The following IKZF2 variants were observed in gnomAD, a reference collection of about 807,000 sequenced individuals.
IKZF2 encodes zinc finger protein Helios.
IKZF2 carries 15 observed loss-of-function variants against 49.2 expected under a neutral mutation model. The ratio of observed to expected loss-of-function variants is 0.30; its 90% confidence interval spans 0.20 to 0.47. The LOEUF is 0.47. Among genes scored for constraint, IKZF2 ranks in the 20% least tolerant of loss-of-function variants. IKZF2 has a pLI of 1.00. For synonymous variants in IKZF2, 227 were observed against 221.4 expected (o/e 1.03, Z -0.23); for missense variants, 567 against 664.6 (o/e 0.85, Z 1.61).
At chr2:213,014,557 G>C (rs891824197) in intron 7 of IKZF2, 7 of 151,970 alleles carry the variant, frequency 4.6e-5, no homozygotes. Context: ...TTTAAAAAGA[G>C]CTCTTCAGCA....
intron 8 of IKZF2, among the ~76,000 whole-genome samples, chr2:213,012,649 T>C (rs915568716): frequency 2.9e-4 from 44 of 152,004 alleles, no homozygotes; most frequent in African/African-American, 1.0e-3. Flanking sequence ...TTCAATGAGT[T>C]CTCAATAAAT....
intron 4 of IKZF2, among the ~76,000 whole-genome samples, chr2:213,064,403 T>C (rs1701980712): frequency 6.6e-6 from 1 of 151,940 alleles, no homozygotes; most frequent in African/African-American, 2.4e-5. Context: ...CCAAAAAGTT[T>C]CCTCCCTACT....
In IKZF2 at chr2:213,109,053, T is replaced by C. The variant is rs1357703884; in HGVS notation, c.139+38655A>G. ...CCATAATCATTCTTAAAGCACATGG[T>C]TTTTAACAGCTCCATTTTATTCTAT... is the stretch of plus-strand genomic sequence containing the variant. On this transcript the variant is annotated intron_variant, in intron 4 of 8. Transcript: ENST00000434687. Among the ~76,000 whole-genome samples the C allele has an allele frequency of 3.9e-5, 6 of 152,100 alleles. No homozygotes were observed. The East Asian group carries it at 1.2e-3, about 29-fold the overall frequency.
Position 213,007,321 on chromosome 2 carries a change from T to C in IKZF2, c.*39A>G, listed in dbSNP as rs1454094699. On this transcript the variant is annotated 3_prime_UTR_variant, in exon 9 of 9. Coordinates refer to ENST00000434687, the MANE Select transcript of IKZF2 (RefSeq NM_001387220.1). ...AAGTGCAGTATTTCTTCATGTGCAGTTCTTTACTTCATAGGGGTCCCCTTT... is the reference window on the plus strand; with the variant it reads ...AAGTGCAGTATTTCTTCATGTGCAGCTCTTTACTTCATAGGGGTCCCCTTT... The C allele has an allele frequency of 8.8e-6, 14 of 1,588,484 alleles. No individual in the cohort carries two copies. The highest frequency in any genetic ancestry group is 1.2e-5 in the Non-Finnish European group (14 of 1,167,984).
chr2:213,081,678 T>C (rs929571840), intron 4 of IKZF2, among the ~76,000 whole-genome samples: 2 of 152,026 alleles, frequency 1.3e-5, no homozygotes, highest in Non-Finnish European at 2.9e-5. Context: ...GCGAATGCAA[T>C]GGAGTATGAA....
intron 6 of IKZF2, among the ~76,000 whole-genome samples, chr2:213,036,379 C>CACAAAATAAGA (rs1248661803): frequency 2.7e-4 from 41 of 152,128 alleles, no homozygotes; most frequent in Non-Finnish European, 7.4e-5. Context: ...TAATGCTTGT[C>CACAAAATAAGA]ACAAAATAAG....
chr2:213,085,922 C>T (rs1574789126), intron 4 of IKZF2, among the ~76,000 whole-genome samples: 1 of 152,054 alleles, frequency 6.6e-6, no homozygotes, highest in Non-Finnish European at 1.5e-5. Context: ...TGAGACTTTC[C>T]GGGATCACTC....
intron 1 of IKZF2, 199 bp from the exon 2 acceptor site, chr2:213,150,446 A>AG (rs34358925): frequency 0.5 from 109,777 of 220,042 alleles, 28,846 homozygotes; most frequent in African/African-American, 0.7. Flanking sequence ...ATGAGAGAGA[A>AG]GAACACCCCC....
rs568380388 is a variant in IKZF2 at position 213,001,906 on chromosome 2, A to G, written c.*5454T>C. The G allele has an allele frequency of 6.6e-6, 1 of 152,046 alleles. No individual in the cohort carries two copies. The highest frequency in any genetic ancestry group is 1.9e-4 in the East Asian group (1 of 5,154). 9.4% of individuals were successfully genotyped at this position (152,046 alleles called of 1,614,324 possible). A position where few individuals can be genotyped will look rare whatever the true frequency, so the allele number is the denominator to read the frequency against. On this transcript the variant is annotated 3_prime_UTR_variant, in exon 9 of 9. Coordinates refer to ENST00000434687, the MANE Select transcript of IKZF2 (RefSeq NM_001387220.1). ...AAAAAAAACAAGAATAAAACAACAA[A>G]AAAACCCAGATCCCTTCCCTTGTTA...
chr2:213,122,522 C>A (rs1200927988), intron 4 of IKZF2, among the ~76,000 whole-genome samples: 1 of 152,176 alleles, frequency 6.6e-6, no homozygotes, highest in African/African-American at 2.4e-5. Context: ...GACCCTATGA[C>A]ATAACTATTT....
intron 8 of IKZF2, among the ~76,000 whole-genome samples, chr2:213,010,807 C>G (rs1695866105): frequency 6.6e-6 from 1 of 151,624 alleles, no homozygotes; most frequent in Admixed American, 6.6e-5. Flanking sequence ...CTGAGAATTG[C>G]ATATTTATTT....
intron 4 of IKZF2, among the ~76,000 whole-genome samples, chr2:213,084,381 C>A (rs1704321624): frequency 6.6e-6 from 1 of 152,126 alleles, no homozygotes; most frequent in South Asian, 2.1e-4. Flanking sequence ...TAGTTCTGTT[C>A]CTCACTACAA....
At chr2:213,075,044 C>T (rs1175131918) in intron 4 of IKZF2, among the ~76,000 whole-genome samples, 3 of 152,126 alleles carry the variant, frequency 2.0e-5, no homozygotes, top group Non-Finnish European at 2.9e-5. Context: ...CTTGGCTATA[C>T]ACTATACAGA....
At chr2:213,011,943 G>T (rs1696008180) in intron 8 of IKZF2, among the ~76,000 whole-genome samples, 1 of 152,018 alleles carries the variant, frequency 6.6e-6, no homozygotes, top group African/African-American at 2.4e-5. Context: ...TGGCAAGAGA[G>T]ATGTAGAAGT....
intron 4 of IKZF2, among the ~76,000 whole-genome samples, chr2:213,107,164 T>C (rs2059561665): frequency 1.3e-5 from 2 of 152,060 alleles, no homozygotes; most frequent in Admixed American, 6.5e-5. Context: ...AGACACACAG[T>C]GAAAGACCAT....
At chr2:213,109,043 A>AATGATTCTTAAATGATTAAAATGG (rs2059620395) in intron 4 of IKZF2, among the ~76,000 whole-genome samples, 1 of 152,122 alleles carries the variant, frequency 6.6e-6, no homozygotes, top group Admixed American at 6.6e-5. Flanking sequence ...ATCATTCTTA[A>AATGATTCTTAAATGATTAAAATGG]AGCACATGGT....
chr2:213,100,268 T>C (rs527378749), intron 4 of IKZF2, among the ~76,000 whole-genome samples: 33 of 152,206 alleles, frequency 2.2e-4, no homozygotes, highest in African/African-American at 6.7e-4. Context: ...AAGCATTTAC[T>C]CAACTTCTAT....
In IKZF2 at chr2:213,005,953, C is replaced by T. The variant is rs1039932188; in HGVS notation, c.*1407G>A. On this transcript the variant is annotated 3_prime_UTR_variant, in exon 9 of 9. Transcript: ENST00000434687. ...TTTGGAAACAGAAAAATGTGCAGGA[C>T]TTTCCTTTGGGGGTTCTGTCACATT... The T allele has an allele frequency of 1.3e-5, 2 of 152,044 alleles. No individual in the cohort carries two copies. The highest frequency in any genetic ancestry group is 4.8e-5 in the African/African-American group (2 of 41,414). 9.4% of individuals were successfully genotyped at this position (152,044 alleles called of 1,614,324 possible). A position where few individuals can be genotyped will look rare whatever the true frequency, so the allele number is the denominator to read the frequency against.
chr2:213,106,124 T>C lies in IKZF2; in HGVS notation c.139+41584A>G, dbSNP rs16825072. On this transcript the variant is annotated intron_variant, in intron 4 of 8. Transcript: ENST00000434687. Reference sequence around the variant, plus strand: ...TCTTTATTTAAATTGTCAGACTTCATGATTAGCTATTTCTCTTTTTAAAAA... The same window carrying C: ...TCTTTATTTAAATTGTCAGACTTCACGATTAGCTATTTCTCTTTTTAAAAA... 9.8e-3 allele frequency among the ~76,000 whole-genome samples: 1,491 copies of C among 152,280 alleles called. 24 individuals are homozygous for C. Among genetic ancestry groups the C allele is most frequent in the African/African-American group, 0.034 (1,427 of 41,554 alleles).
Sources: allele counts gnomAD v4.1 joint callset (sites outside exome capture counted in the v4.1 genomes callset), GRCh38; gene constraint gnomAD v4.1.1; transcripts MANE v1.5; gene names NCBI Gene and HGNC (gene_info 2026-07-23, HGNC 2026-07-21).